The following NBEA variants were observed in gnomAD, a reference collection of about 807,000 sequenced individuals.
NBEA encodes the protein neurobeachin.
In NBEA, 44 loss-of-function variants were observed where a neutral mutation model predicts 343.4. That is an observed-to-expected ratio of 0.13 (90% CI 0.10 to 0.16). The LOEUF (loss-of-function observed/expected upper bound fraction) is 0.16, where lower values mean the gene tolerates loss of function less well. Ranked by LOEUF, NBEA falls within the 10% of genes least tolerant of loss-of-function variation. The pLI is 1.00. For synonymous variants in NBEA, 1,175 were observed against 1,238.7 expected, an observed-to-expected ratio of 0.95 and a Z score of 1.08; for missense variants, 2,555 against 3,631.3, an observed-to-expected ratio of 0.70 and a Z score of 7.62.
chr13:35,418,029 T>G (rs2044038743), intron 38 of NBEA, among the ~76,000 whole-genome samples: 1 of 152,196 alleles, frequency 6.6e-6, no homozygotes. Context: ...TTTGTTGGTT[T>G]AAAGTCTGTT....
chr13:35,006,878 G>A (rs181022883), intron 1 of NBEA, among the ~76,000 whole-genome samples: 62 of 152,266 alleles, frequency 4.1e-4, no homozygotes, highest in African/African-American at 1.5e-3. Flanking sequence ...TCAGCCTCTC[G>A]AATAGCTGGG....
rs1482136479 is a variant in NBEA, at chr13:34,969,753, A to G, written c.294+26639A>G. On this transcript the variant is annotated intron_variant, in intron 1 of 58. Transcript: ENST00000379939. Reference sequence around the variant, plus strand: ...CTTTTTTATGGCTGCATAGTATTCCATGCTGTATATATACCACGTTTTTTT... The same window carrying G: ...CTTTTTTATGGCTGCATAGTATTCCGTGCTGTATATATACCACGTTTTTTT... Among the ~76,000 whole-genome samples the G allele has an allele frequency of 2.7e-5, 4 of 150,858 alleles. No homozygotes were observed. In the East Asian group the frequency reaches 7.7e-4, roughly 29 times the overall value.
chr13:35,638,583 C>T (rs1011609397), intron 49 of NBEA, among the ~76,000 whole-genome samples: 1 of 152,194 alleles, frequency 6.6e-6, no homozygotes, highest in South Asian at 2.1e-4. Context: ...GGAGGCGCAT[C>T]TTCCAGAGCC....
chr13:35,370,425 C>CT (rs1035140746), intron 38 of NBEA, among the ~76,000 whole-genome samples: 2 of 151,754 alleles, frequency 1.3e-5, no homozygotes, highest in Non-Finnish European at 2.9e-5. Flanking sequence ...CTGTATGTGT[C>CT]TTTGCAGATG....
chr13:35,111,050 G>A, intron 13 of NBEA, 72 bp downstream of exon 13: 1 of 1,316,984 alleles, frequency 7.6e-7, no homozygotes, highest in South Asian at 1.6e-5. Flanking sequence ...GTTAAAGTGA[G>A]CAGTGTACAT....
chr13:35,375,539 A>G (rs185488260), intron 38 of NBEA, among the ~76,000 whole-genome samples: 51 of 152,292 alleles, frequency 3.3e-4, no homozygotes, highest in Admixed American at 5.9e-4. Flanking sequence ...AATTATGATT[A>G]AACATACATA....
rs554197705 is a variant in NBEA, at chr13:35,542,253, G to A, written c.6586-8224G>A. 4.7e-4 allele frequency among the ~76,000 whole-genome samples: 72 copies of A among 151,668 alleles called. 2 individuals carry two copies. The East Asian group carries it at 0.014, about 29-fold the overall frequency. On this transcript the variant is annotated intron_variant, in intron 41 of 58. Coordinates refer to ENST00000379939, the MANE Select transcript of NBEA (RefSeq NM_001385012.1). ...TAAACACAGCCATTATAGCAACATT[G>A]TTTAATTTTCATTGAGGATGTATTT...
At chr13:35,202,598 G>A (rs1248170087) in intron 31 of NBEA, among the ~76,000 whole-genome samples, 1 of 152,078 alleles carries the variant, frequency 6.6e-6, no homozygotes, top group Admixed American at 6.6e-5. Flanking sequence ...AATGGAGACT[G>A]CCAATACCCT....
At chr13:35,335,502 G>C (rs550337248) in intron 36 of NBEA, among the ~76,000 whole-genome samples, 1 of 146,208 alleles carries the variant, frequency 6.8e-6, no homozygotes, top group South Asian at 2.2e-4. Context: ...ATTTTTTGAT[G>C]TTCTCTTTGA....
intron 17 of NBEA, among the ~76,000 whole-genome samples, chr13:35,141,489 A>G (rs1283789860): frequency 6.6e-6 from 1 of 152,078 alleles, no homozygotes; most frequent in African/African-American, 2.4e-5. Context: ...CTTGTCTCGA[A>G]CTTCTGACCT....
chr13:35,290,100 A>T (rs897472664), intron 34 of NBEA, among the ~76,000 whole-genome samples: 1 of 151,702 alleles, frequency 6.6e-6, no homozygotes, highest in Non-Finnish European at 1.5e-5. Flanking sequence ...AAATGCCTCA[A>T]CCAAATAAAC....
At chr13:35,009,193 A>G (rs183915147) in intron 1 of NBEA, among the ~76,000 whole-genome samples, 36 of 152,344 alleles carry the variant, frequency 2.4e-4, no homozygotes, top group Non-Finnish European at 5.9e-5. Context: ...ATATGTGCCA[A>G]GTACTGGAGG....
chr13:35,031,081 A>G (rs942759829), intron 1 of NBEA, among the ~76,000 whole-genome samples: 2 of 151,670 alleles, frequency 1.3e-5, no homozygotes, highest in African/African-American at 2.4e-5. Context: ...CCAATACTCT[A>G]CAATTCAAGT....
chr13:35,533,724 C>T (rs544442862), intron 41 of NBEA, among the ~76,000 whole-genome samples: 1 of 152,254 alleles, frequency 6.6e-6, no homozygotes, highest in East Asian at 1.9e-4. Flanking sequence ...AATTAGTTAG[C>T]CAATGTGGAT....
chr13:35,584,953 A>G (rs77612639), intron 46 of NBEA, among the ~76,000 whole-genome samples: 6,842 of 149,638 alleles, frequency 0.046, 161 homozygotes, highest in East Asian at 0.073. Context: ...GTGCATTCTT[A>G]ATACCCACTG....
At chr13:35,075,939 AAT>A (rs1029474508) in intron 10 of NBEA, among the ~76,000 whole-genome samples, 2 of 151,974 alleles carry the variant, frequency 1.3e-5, no homozygotes, top group Admixed American at 6.6e-5. Context: ...ATTCAGAAAA[AAT>A]ATCTATTATA....
chr13:35,459,017 C>CCAA (rs1555270535), intron 40 of NBEA, among the ~76,000 whole-genome samples: 20 of 74,956 alleles, frequency 2.7e-4, no homozygotes, highest in South Asian at 1.2e-3. Context: ...CCCCCCCCCC[C>CCAA]CACACACACA....
chr13:35,583,791 T>C, intron 45 of NBEA, 107 bp from the exon 46 acceptor site: 1 of 778,420 alleles, frequency 1.3e-6, no homozygotes. Flanking sequence ...GTATTTATGC[T>C]GTATGGCTAA....
chr13:35,065,125 G>A lies in NBEA; in HGVS notation c.1240-4783G>A, dbSNP rs146904243. On this transcript the variant is annotated intron_variant, in intron 8 of 58. Transcript: ENST00000379939. ...CGGCTGTGTTTTAGCTCTTTCTGTA[G>A]TAGATTCCTCAGGAAGAGTTCATGG... is the stretch of plus-strand genomic sequence containing the variant. Among the ~76,000 whole-genome samples, 591 of 151,676 alleles carry A rather than the reference G, an allele frequency of 3.9e-3. 1 individual carries two copies. Among genetic ancestry groups the A allele is most frequent in the Admixed American group, 8.0e-3 (122 of 15,168 alleles).
Sources: gnomAD v4.1 joint callset for allele counts (sites outside exome capture counted in the v4.1 genomes callset) on GRCh38, gnomAD v4.1.1 for gene constraint, MANE v1.5 for transcripts, NCBI Gene and HGNC (gene_info 2026-07-23, HGNC 2026-07-21) for gene names.